The following ODAD3 variants were observed in gnomAD, a reference collection of about 807,000 sequenced individuals.
ODAD3 encodes the protein outer dynein arm-docking complex subunit 3.
In ODAD3, 57 loss-of-function variants were observed where a neutral mutation model predicts 70.9. The observed-to-expected ratio is 0.80, with a 90% CI of 0.65 to 1.00. The LOEUF is 1.00. ODAD3 is among the 50% of genes least tolerant of loss of function. The pLI, the probability that ODAD3 is intolerant of heterozygous loss-of-function variation, is 0.00. For synonymous variants in ODAD3, 327 were observed against 315.9 expected, an observed-to-expected ratio of 1.04 and a Z score of -0.37; for missense variants, 797 against 763.9, an observed-to-expected ratio of 1.04 and a Z score of -0.51.
intron 1 of ODAD3, chr19:11,431,331 G>A (rs1388684690): frequency 1.3e-5 from 4 of 306,654 alleles, no homozygotes; most frequent in African/African-American, 8.8e-5. Context: ...GGCTGGTCTC[G>A]AACTCCTGAC....
Position 11,422,878 on chromosome 19 carries a change from C to T in ODAD3, c.1117-17G>A. 1 of 1,599,408 alleles carries T rather than the reference C, an allele frequency of 6.3e-7. No individual in the cohort carries two copies. The highest frequency in any genetic ancestry group is 8.5e-7 in the Non-Finnish European group (1 of 1,178,890). On this transcript the variant is annotated splice_polypyrimidine_tract_variant and intron_variant, in intron 8 of 12. Transcript: ENST00000356392. The surrounding 1 kb of genome is among the most constrained non-coding windows in gnomAD (Gnocchi z 4.6). ...CACCAACGACTGCGGGCCACCCAGCCCCAGTCAGAGCCAGGGCCTAGGGAG... is the reference window on the plus strand; with the variant it reads ...CACCAACGACTGCGGGCCACCCAGCTCCAGTCAGAGCCAGGGCCTAGGGAG...
chr19:11,426,636 C>T (rs1969381980), intron 5 of ODAD3, 47 bp downstream of exon 5: 1 of 1,613,456 alleles, frequency 6.2e-7, no homozygotes, highest in Admixed American at 1.7e-5. Flanking sequence ...CCTAGCCAAG[C>T]CCGCCCTCCC....
rs1267068524 is a variant in ODAD3, at chr19:11,423,880, C to T, written c.1113G>A (p.Thr371=). 4 of 1,608,700 alleles carry T rather than the reference C, an allele frequency of 2.5e-6. No homozygotes were observed. The highest frequency in any genetic ancestry group is 2.2e-5 in the East Asian group (1 of 44,728). ...KVKDATGTDE[T]HSLVRRFLAQ... is the part of the protein sequence containing the mutation. The stretch of plus-strand genomic sequence containing the variant: ...GAGGGCTGCGGGCAGAACTCACGTG[C>T]GTCTCGTCAGTGCCAGTGGCGTCCT... The change falls in exon 8 of 13, where the codon ACG becomes ACA. Residue 371 remains threonine, a synonymous_variant. Coordinates refer to ENST00000356392, the MANE Select transcript of ODAD3 (RefSeq NM_145045.5).
intron 1 of ODAD3, 54 bp from the exon 2 acceptor site, chr19:11,431,074 G>A (rs1969494050): frequency 1.9e-5 from 31 of 1,594,362 alleles, no homozygotes; most frequent in Non-Finnish European, 2.6e-5. Context: ...GTGCATGGGT[G>A]CAACATCCCA....
At chr19:11,421,247 GC>G (rs776041771) in intron 11 of ODAD3, 35 bp from the exon 12 acceptor site, 34 of 1,587,656 alleles carry the variant, frequency 2.1e-5, no homozygotes, top group Non-Finnish European at 2.8e-5. Context: ...AGGAAGGTGG[GC>G]GGGGCCAGGG....
At chr19:11,428,858 ATTTTTTATTTATTTAT>A (rs1327622456) in intron 3 of ODAD3, among the ~76,000 whole-genome samples, 12 of 143,236 alleles carry the variant, frequency 8.4e-5, no homozygotes, top group African/African-American at 2.4e-4. Flanking sequence ...ACTGTGTTTT[ATTTTTTATTTATTTAT>A]TTATTTATTT....
chr19:11,423,747 T>G, intron 8 of ODAD3, 130 bp downstream of exon 8: 5 of 876,604 alleles, frequency 5.7e-6, no homozygotes, highest in Non-Finnish European at 6.8e-6. Flanking sequence ...AAGGAGCAGG[T>G]TTGTGAGCTG....
intron 11 of ODAD3, 104 bp from the exon 12 acceptor site, chr19:11,421,316 T>C (rs1352450824): frequency 3.7e-6 from 4 of 1,086,722 alleles, no homozygotes; most frequent in African/African-American, 3.2e-5. Flanking sequence ...ATGCCCTAGT[T>C]CCAACTGGAG....
chr19:11,427,097 C>G (rs1599463097), intron 3 of ODAD3, 57 bp from the exon 4 acceptor site: 3 of 1,461,488 alleles, frequency 2.1e-6, no homozygotes, highest in Non-Finnish European at 2.7e-6. Flanking sequence ...CGACACACAC[C>G]TAGCCCTTCC....
intron 7 of ODAD3, among the ~76,000 whole-genome samples, chr19:11,425,134 T>C (rs1599457556): frequency 1.6e-5 from 2 of 128,744 alleles, no homozygotes; most frequent in Non-Finnish European, 3.0e-5. Context: ...TATGTGTATA[T>C]GTGTATATGT....
intron 3 of ODAD3, among the ~76,000 whole-genome samples, chr19:11,429,305 G>A (rs982416774): frequency 6.6e-6 from 1 of 151,956 alleles, no homozygotes; most frequent in Non-Finnish European, 1.5e-5. Context: ...TCCGCCTCCC[G>A]GGTTCAAACT....
At chr19:11,429,852 T>C (rs952601316) in intron 3 of ODAD3, among the ~76,000 whole-genome samples, 6 of 151,838 alleles carry the variant, frequency 4.0e-5, no homozygotes, top group Non-Finnish European at 8.8e-5. Context: ...TTTTTTTTTT[T>C]TTTAAAGAAA....
In ODAD3 at chr19:11,422,591, G is replaced by C. The variant is rs995639192; in HGVS notation, c.1314C>G (p.Leu438=). The change falls in exon 10 of 13, where the codon CTC becomes CTG. Residue 438 remains leucine (L), a synonymous_variant. Transcript: ENST00000356392. The surrounding 1 kb of genome is among the most constrained non-coding windows in gnomAD (Gnocchi z 4.6). ...QKLQAEAQER[L]KKEERRHAEA... Reference sequence around the variant, plus strand: ...CGGCGTGCCGCCGCTCCTCCTTCTTGAGACGCTCCTGCGCCTCGGCTTGCA... The same window carrying C: ...CGGCGTGCCGCCGCTCCTCCTTCTTCAGACGCTCCTGCGCCTCGGCTTGCA... 1 of 1,595,718 alleles carries C rather than the reference G, an allele frequency of 6.3e-7. No individual in the cohort carries two copies. The highest frequency in any genetic ancestry group is 1.3e-5 in the African/African-American group (1 of 74,862).
intron 7 of ODAD3, among the ~76,000 whole-genome samples, chr19:11,424,976 T>C (rs992277096): frequency 3.8e-5 from 5 of 131,692 alleles, no homozygotes. Flanking sequence ...TATATGTATA[T>C]ATGTGTATAT....
At position 11,426,210 on chromosome 19, in the gene ODAD3, G is replaced by A; in HGVS notation, c.897C>T (p.Arg299=). The A allele has an allele frequency of 4.3e-6, 7 of 1,613,846 alleles. No individual in the cohort carries two copies. The highest frequency in any genetic ancestry group is 5.9e-6 in the Non-Finnish European group (7 of 1,179,924). Residue 299 remains arginine, a synonymous_variant, in exon 7 of 13, where the codon CGC becomes CGT. Transcript: ENST00000356392. ...TLVRERKKRE[R]YISECKKRAE... is the part of the protein sequence containing the mutation. ...CGCGCTTCTTGCACTCACTTATGTA[G>A]CGTTCCCGCTTCTTGCGCTCTCGAA...
In ODAD3 at chr19:11,425,114, T is replaced by C. The variant is rs1335800044; in HGVS notation, c.963+1030A>G. 2.9e-5 allele frequency among the ~76,000 whole-genome samples: 4 copies of C among 135,826 alleles called. 1 individual carries two copies. The highest frequency in any genetic ancestry group is 4.4e-4 in the East Asian group (2 of 4,510). The allele number at this position is 135,826 out of a possible 152,430, so 89.1% of individuals were successfully genotyped here. The stretch of plus-strand genomic sequence containing the variant: ...ATATGTGTATATATGTATATATGTG[T>C]ATATGTACATATGTGTATATGTGTA... On this transcript the variant is annotated intron_variant, in intron 7 of 12. Coordinates refer to ENST00000356392, the MANE Select transcript of ODAD3 (RefSeq NM_145045.5).
intron 7 of ODAD3, among the ~76,000 whole-genome samples, chr19:11,425,738 C>A (rs1969355063): frequency 1.4e-5 from 2 of 144,008 alleles, no homozygotes; most frequent in African/African-American, 5.7e-5. Flanking sequence ...CAGGACAGGG[C>A]TTTGGTGAGG....
At position 11,426,704 on chromosome 19, in the gene ODAD3, C is replaced by G; in HGVS notation, c.693G>C (p.Leu231=). The G allele has an allele frequency of 1.2e-6, 2 of 1,613,920 alleles. No homozygotes were observed. Among genetic ancestry groups the G allele is most frequent in the Non-Finnish European group, 1.7e-6 (2 of 1,179,888 alleles). Reference sequence around the variant, plus strand: ...CTACCATTAGATAGGCCTTGAGCTGCAGGTACACGCTGGTAATGTGCTCGG... The same window carrying G: ...CTACCATTAGATAGGCCTTGAGCTGGAGGTACACGCTGGTAATGTGCTCGG... ...QEAEHITSVY[L]QLKAYLMDES... Residue 231 remains leucine, a synonymous_variant, in exon 5 of 13, where the codon CTG becomes CTC. Coordinates refer to ENST00000356392, the MANE Select transcript of ODAD3 (RefSeq NM_145045.5).
chr19:11,426,083 C>A, intron 7 of ODAD3, 61 bp downstream of exon 7: 1 of 1,569,548 alleles, frequency 6.4e-7, no homozygotes, highest in South Asian at 1.1e-5. Flanking sequence ...AGAGCCAGGG[C>A]ATGGCTGGTT....
Sources: allele counts gnomAD v4.1 joint callset (sites outside exome capture counted in the v4.1 genomes callset), GRCh38; gene constraint gnomAD v4.1.1; non-coding constraint Gnocchi (gnomAD v3.1); transcripts MANE v1.5; gene names NCBI Gene and HGNC (gene_info 2026-07-23, HGNC 2026-07-21).